Variants in RYR3 observed in about 807,000 individuals in gnomAD.
RYR3 encodes brain ryanodine receptor-calcium release channel.
A neutral mutation model predicts 584.3 loss-of-function variants in RYR3; 207 were observed. That is an observed-to-expected ratio of 0.35 (90% CI 0.32 to 0.40). RYR3 has a LOEUF of 0.40. Among genes scored for constraint, RYR3 ranks in the 10% least tolerant of loss-of-function variants. RYR3 has a pLI of 1.00. For synonymous variants in RYR3, 2,416 were observed against 2,248.5 expected, an observed-to-expected ratio of 1.07 and a Z score of -2.11; for missense variants, 5,616 against 6,089.2, an observed-to-expected ratio of 0.92 and a Z score of 2.59.
At chr15:33,448,950 G>A (rs1289920809) in intron 1 of RYR3, among the ~76,000 whole-genome samples, 1 of 152,150 alleles carries the variant, frequency 6.6e-6, no homozygotes, top group African/African-American at 2.4e-5. Flanking sequence ...AAGGGAAGTG[G>A]TGCCACAAAC....
chr15:33,566,344 G>C (rs1166630640), intron 11 of RYR3, among the ~76,000 whole-genome samples: 1 of 152,194 alleles, frequency 6.6e-6, no homozygotes, highest in African/African-American at 2.4e-5. Context: ...ATTTCCAAGG[G>C]TAAGATTCTA....
intron 65 of RYR3, among the ~76,000 whole-genome samples, chr15:33,781,105 T>G (rs1393554931): frequency 6.6e-6 from 1 of 152,190 alleles, no homozygotes; most frequent in Non-Finnish European, 1.5e-5. Flanking sequence ...CCACCCTCTT[T>G]TGTAAAATGA....
chr15:33,333,814 G>C (rs1406720998), intron 1 of RYR3, among the ~76,000 whole-genome samples: 1 of 152,152 alleles, frequency 6.6e-6, no homozygotes, highest in Non-Finnish European at 1.5e-5. Context: ...CAGCCTAAAA[G>C]CTTCTTAAGC....
At chr15:33,627,057 G>T (rs1381596365) in intron 20 of RYR3, among the ~76,000 whole-genome samples, 1 of 152,118 alleles carries the variant, frequency 6.6e-6, no homozygotes, top group East Asian at 1.9e-4. Context: ...TAGAATAGTA[G>T]ATCCACCAGC....
At chr15:33,312,985 C>T (rs1967566309) in intron 1 of RYR3, among the ~76,000 whole-genome samples, 1 of 152,230 alleles carries the variant, frequency 6.6e-6, no homozygotes, top group Non-Finnish European at 1.5e-5. Context: ...TTAAAGTACA[C>T]CCATGACAGC....
chr15:33,464,322 A>G (rs1596256976), intron 1 of RYR3, among the ~76,000 whole-genome samples: 1 of 151,540 alleles, frequency 6.6e-6, no homozygotes, highest in African/African-American at 2.4e-5. Flanking sequence ...TGGGGGAAGC[A>G]CATCCTGCAT....
intron 60 of RYR3, among the ~76,000 whole-genome samples, chr15:33,760,796 C>T (rs775811794): frequency 1.4e-4 from 21 of 152,188 alleles, no homozygotes; most frequent in Non-Finnish European, 2.4e-4. Context: ...ACAGAATATA[C>T]ATTCTTCTCA....
chr15:33,582,261 C>T (rs1044745214), intron 14 of RYR3, among the ~76,000 whole-genome samples: 13 of 152,170 alleles, frequency 8.5e-5, no homozygotes, highest in South Asian at 2.1e-4. Flanking sequence ...TGCAAGAAGG[C>T]GGCCACCAGG....
chr15:33,387,992 G>C (rs1031348276), intron 1 of RYR3, among the ~76,000 whole-genome samples: 17 of 152,096 alleles, frequency 1.1e-4, no homozygotes, highest in Non-Finnish European at 2.2e-4. Flanking sequence ...TAAAAAACAA[G>C]AATGAAGGGA....
intron 12 of RYR3, among the ~76,000 whole-genome samples, chr15:33,578,852 T>G (rs532385063): frequency 6.6e-6 from 1 of 152,182 alleles, no homozygotes; most frequent in East Asian, 1.9e-4. Context: ...GGCCTTATGA[T>G]GCAAACCCAC....
chr15:33,804,330 C>G (rs12593699), intron 69 of RYR3, among the ~76,000 whole-genome samples: 60,259 of 151,878 alleles, frequency 0.4, 12,482 homozygotes, highest in South Asian at 0.55. Context: ...CTCAGGGTAA[C>G]AAGAGTTCAT....
rs115485885 is a variant in RYR3 at position 33,396,511 on chromosome 15, C to A, written c.52-76908C>A. On this transcript the variant is annotated intron_variant, in intron 1 of 103. Coordinates refer to ENST00000634891, the MANE Select transcript of RYR3 (RefSeq NM_001036.6). ...CTTCTAATCTTCTCAACTTTTCTGT[C>A]TTTAGATGAGAGATCTCAAGCCCCG... Among the ~76,000 whole-genome samples the A allele has an allele frequency of 6.6e-3, 1,003 of 152,288 alleles. 9 individuals carry two copies. The highest frequency in any genetic ancestry group is 0.021 in the African/African-American group (854 of 41,560).
chr15:33,809,931 C>T (rs1043505444), intron 70 of RYR3, among the ~76,000 whole-genome samples: 1 of 152,166 alleles, frequency 6.6e-6, no homozygotes, highest in East Asian at 1.9e-4. Flanking sequence ...TTCAGTTTTT[C>T]TCCTAACTTT....
chr15:33,606,700 G>C, intron 18 of RYR3, among the ~76,000 whole-genome samples: 1 of 152,114 alleles, frequency 6.6e-6, no homozygotes, highest in East Asian at 1.9e-4. Flanking sequence ...TTCCCTCTCT[G>C]GATGGAGACT....
At chr15:33,643,243 T>G (rs1184185055) in intron 27 of RYR3, among the ~76,000 whole-genome samples, 1 of 152,154 alleles carries the variant, frequency 6.6e-6, no homozygotes, top group Non-Finnish European at 1.5e-5. Context: ...TCAGAACTTC[T>G]CCTACCCTTC....
chr15:33,317,814 A>G (rs949410646), intron 1 of RYR3, among the ~76,000 whole-genome samples: 20 of 152,130 alleles, frequency 1.3e-4, no homozygotes, highest in African/African-American at 4.6e-4. Context: ...CTCTACAGTC[A>G]TACTCTGGGC....
chr15:33,536,651 A>T lies in RYR3; in HGVS notation c.434-2699A>T, dbSNP rs201785786. ...CCCTTCGGTGGTCTCAGAGAACATTAAAGATGCATACAACATTTTCCCCTT... is the reference window on the plus strand; with the variant it reads ...CCCTTCGGTGGTCTCAGAGAACATTTAAGATGCATACAACATTTTCCCCTT... On this transcript the variant is annotated intron_variant, in intron 5 of 103. Coordinates refer to ENST00000634891, the MANE Select transcript of RYR3 (RefSeq NM_001036.6). Among the ~76,000 whole-genome samples the T allele has an allele frequency of 7.6e-3, 41 of 5,374 alleles. No homozygotes were observed. In the African/African-American group the frequency reaches 0.15, roughly 19 times the overall value. 3.5% of individuals were successfully genotyped at this position (5,374 alleles called of 152,430 possible). A position where few individuals can be genotyped will look rare whatever the true frequency, so the allele number is the denominator to read the frequency against.
intron 81 of RYR3, among the ~76,000 whole-genome samples, chr15:33,824,596 T>C (rs2077278402): frequency 1.3e-5 from 2 of 152,154 alleles, no homozygotes; most frequent in Admixed American, 1.3e-4. Flanking sequence ...CAAATGGCAA[T>C]AGAGATTTCA....
intron 102 of RYR3, 22 bp from the exon 103 acceptor site, chr15:33,864,116 T>TA: frequency 6.3e-7 from 1 of 1,590,052 alleles, no homozygotes; most frequent in South Asian, 1.1e-5. Flanking sequence ...GAGTATCTAA[T>TA]ACTATCTTTT....
Sources: allele counts gnomAD v4.1 joint callset (sites outside exome capture counted in the v4.1 genomes callset), GRCh38; gene constraint gnomAD v4.1.1; transcripts MANE v1.5; gene names NCBI Gene and HGNC (gene_info 2026-07-23, HGNC 2026-07-21).